AGT: variants seen among roughly 807,000 people sequenced by gnomAD.
AGT encodes the protein alpha-1 antiproteinase, antitrypsin.
A neutral mutation model predicts 28.1 loss-of-function variants in AGT; 26 were observed. The ratio of observed to expected loss-of-function variants is 0.92; its 90% CI spans 0.68 to 1.28. The LOEUF is 1.28. Among genes scored for constraint, AGT ranks in the 50% most tolerant of loss-of-function variants. The pLI, the probability that AGT is intolerant of heterozygous loss-of-function variation, is 0.00. For synonymous variants in AGT, 259 were observed against 259.6 expected (o/e 1.00, Z 0.02); for missense variants, 596 against 592.3 (o/e 1.01, Z -0.06).
chr1:230,735,316 G>A (rs962291365), intron 1 of AGT, among the ~76,000 whole-genome samples: 3 of 152,138 alleles, frequency 2.0e-5, no homozygotes, highest in South Asian at 2.1e-4. Context: ...TAGAGTGGGC[G>A]AGCAACCTGG....
chr1:230,740,689 G>A (rs113420011), intron 1 of AGT, among the ~76,000 whole-genome samples: 10,685 of 152,174 alleles, frequency 0.07, 545 homozygotes, highest in East Asian at 0.14. Flanking sequence ...GGTGGCTCAC[G>A]CCTGTAATCC....
intron 2 of AGT, among the ~76,000 whole-genome samples, chr1:230,709,118 C>T (rs1277356717): frequency 6.6e-6 from 1 of 152,234 alleles, no homozygotes; most frequent in African/African-American, 2.4e-5. Flanking sequence ...TTGTGGAGCA[C>T]GTTTCCCTGC....
At chr1:230,743,080 T>C (rs140833994) in intron 1 of AGT, among the ~76,000 whole-genome samples, 2,409 of 152,154 alleles carry the variant, frequency 0.016, 30 homozygotes, top group Non-Finnish European at 0.027. Flanking sequence ...AGCCTCTGAC[T>C]CCCGGGTTCA....
chr1:230,707,001 G>A (rs528894438), intron 2 of AGT, among the ~76,000 whole-genome samples: 11 of 152,276 alleles, frequency 7.2e-5, no homozygotes, highest in South Asian at 4.2e-4. Context: ...CGCAGGCCCC[G>A]GAAACGAGGG....
intron 1 of AGT, among the ~76,000 whole-genome samples, chr1:230,726,918 G>A (rs1663954024): frequency 1.3e-5 from 2 of 152,154 alleles, no homozygotes; most frequent in Non-Finnish European, 2.9e-5. Context: ...TGCTTCCTAA[G>A]AAGACGTCTG....
intron 1 of AGT, among the ~76,000 whole-genome samples, chr1:230,720,811 GGA>G (rs151202643): frequency 0.18 from 26,735 of 152,112 alleles, 3,102 homozygotes; most frequent in East Asian, 0.49. Context: ...GCCACATGGG[GGA>G]CTTTCCCACC....
upstream of AGT, among the ~76,000 whole-genome samples, chr1:230,719,511 C>T (rs1352179126): frequency 1.3e-5 from 2 of 151,280 alleles, no homozygotes; most frequent in Non-Finnish European, 2.9e-5. Context: ...GGGTTCACGC[C>T]ATTCTCCTGT....
intron 1 of AGT, among the ~76,000 whole-genome samples, chr1:230,739,384 G>A (rs1449221346): frequency 2.0e-5 from 3 of 151,974 alleles, no homozygotes; most frequent in Admixed American, 2.0e-4. Flanking sequence ...TCCACTATGG[G>A]GCGGGGGGTG....
intron 1 of AGT, among the ~76,000 whole-genome samples, chr1:230,745,203 C>T (rs1664326107): frequency 6.6e-6 from 1 of 152,176 alleles, no homozygotes; most frequent in South Asian, 2.1e-4. Flanking sequence ...AGAAGGAGAC[C>T]ATGAAATTCA....
At chr1:230,742,682 TG>T (rs1664267981) in intron 1 of AGT, among the ~76,000 whole-genome samples, 1 of 152,210 alleles carries the variant, frequency 6.6e-6, no homozygotes. Flanking sequence ...AGAGTTTCCT[TG>T]TTCCGTTTTA....
Position 230,711,002 on chromosome 1 carries a change from T to C in AGT, c.-30-149A>G, listed in dbSNP as rs950744936. The C allele has an allele frequency of 3.0e-5, 34 of 1,123,852 alleles. No homozygotes were observed. The East Asian group carries it at 8.7e-4, about 29-fold the overall frequency. The allele number at this position is 1,123,852 out of a possible 1,614,324, so 69.6% of individuals were successfully genotyped here. A position where few individuals can be genotyped will look rare whatever the true frequency, so the allele number is the denominator to read the frequency against. On this transcript the variant is annotated intron_variant, in intron 1 of 4. Transcript: ENST00000366667. ...GTCTACAAAAAAAAGAAGAAATGGA[T>C]TCAAAGCTCCATGGAAAATATCTAC...
intron 1 of AGT, among the ~76,000 whole-genome samples, chr1:230,731,823 T>C (rs1272264651): frequency 6.6e-6 from 1 of 152,048 alleles, no homozygotes; most frequent in Non-Finnish European, 1.5e-5. Context: ...ACCAAGATCA[T>C]GCCACTGCAC....
At chr1:230,721,528 G>A (rs1377032654) in intron 1 of AGT, among the ~76,000 whole-genome samples, 1 of 152,242 alleles carries the variant, frequency 6.6e-6, no homozygotes, top group Admixed American at 6.5e-5. Flanking sequence ...TTTGAACTGG[G>A]TAGCAGGCAG....
upstream of AGT, among the ~76,000 whole-genome samples, chr1:230,715,932 A>G (rs1467683166): frequency 6.6e-6 from 1 of 152,226 alleles, no homozygotes. Flanking sequence ...TAAACAACTG[A>G]TCAGGTAACA....
At chr1:230,741,065 G>A (rs933178378) in intron 1 of AGT, among the ~76,000 whole-genome samples, 1 of 152,216 alleles carries the variant, frequency 6.6e-6, no homozygotes, top group South Asian at 2.1e-4. Flanking sequence ...TAGATGAGAA[G>A]GAGAAAGGAA....
intron 1 of AGT, among the ~76,000 whole-genome samples, chr1:230,739,503 A>G (rs1664208084): frequency 6.6e-6 from 1 of 152,098 alleles, no homozygotes; most frequent in Non-Finnish European, 1.5e-5. Context: ...GACCACTGAG[A>G]AGAGCAAATG....
At chr1:230,719,480 T>A (rs543440056), upstream of AGT, among the ~76,000 whole-genome samples, 1,800 of 149,522 alleles carry the variant, frequency 0.012, 21 homozygotes, top group Non-Finnish European at 0.018. Flanking sequence ...GGATCTCGGC[T>A]CACTGCAAGC....
intron 3 of AGT, among the ~76,000 whole-genome samples, chr1:230,705,173 G>A (rs1663347027): frequency 6.6e-6 from 1 of 152,132 alleles, no homozygotes; most frequent in Non-Finnish European, 1.5e-5. Flanking sequence ...AGATGGACGG[G>A]GGTGATGGCT....
chr1:230,721,934 A>C (rs991556438), intron 1 of AGT, among the ~76,000 whole-genome samples: 4 of 152,272 alleles, frequency 2.6e-5, no homozygotes, highest in African/African-American at 9.6e-5. Flanking sequence ...AATTTGCATA[A>C]GTAATGAGAA....
Sources: allele counts gnomAD v4.1 joint callset (sites outside exome capture counted in the v4.1 genomes callset), GRCh38; gene constraint gnomAD v4.1.1; transcripts MANE v1.5; gene names NCBI Gene and HGNC (gene_info 2026-07-23, HGNC 2026-07-21).